DPP6: variants seen among roughly 807,000 people sequenced by gnomAD.
DPP6 encodes dipeptidyl peptidase like 6.
In DPP6, 69 loss-of-function variants were observed where a neutral mutation model predicts 122.6. The observed-to-expected ratio is 0.56, with a 90% confidence interval of 0.46 to 0.69. DPP6 has a LOEUF of 0.69. Ranked by LOEUF, DPP6 falls within the 30% of genes least tolerant of loss-of-function variation. The pLI, the probability that DPP6 is intolerant of heterozygous loss-of-function variation, is 0.00. For synonymous variants in DPP6, 418 were observed against 433.1 expected (o/e 0.97, Z 0.43); for missense variants, 928 against 1,116.9 (o/e 0.83, Z 2.41).
intron 5 of DPP6, among the ~76,000 whole-genome samples, chr7:154,619,012 T>C (rs570384667): frequency 6.6e-6 from 1 of 152,292 alleles, no homozygotes; most frequent in East Asian, 1.9e-4. Flanking sequence ...CAAGATCTGA[T>C]GGTTTTATAA....
chr7:154,760,753 C>G lies in DPP6; in HGVS notation c.884-8664C>G, dbSNP rs1012196703. Among the ~76,000 whole-genome samples, 2 of 151,346 alleles carry G rather than the reference C, an allele frequency of 1.3e-5. No homozygotes were observed. Among genetic ancestry groups the G allele is most frequent in the Non-Finnish European group, 2.9e-5 (2 of 67,922 alleles). On this transcript the variant is annotated intron_variant, in intron 8 of 25. Coordinates refer to ENST00000377770, the MANE Select transcript of DPP6 (RefSeq NM_130797.4). This position sits in a 1 kb window ranked among gnomAD's most constrained non-coding sequence, Gnocchi z 4.5. ...GAAGCTCCCTCAGGTGCCCACAACA[C>G]AAATGAAGAGGAAAGAGAGAAGACA...
intron 2 of DPP6, among the ~76,000 whole-genome samples, chr7:154,456,296 C>T (rs1338780992): frequency 6.6e-6 from 1 of 152,174 alleles, no homozygotes; most frequent in Non-Finnish European, 1.5e-5. Context: ...ATTGCTACTT[C>T]ATAATCCTCA....
At chr7:154,036,293 C>T (rs1486331630) in intron 1 of DPP6, among the ~76,000 whole-genome samples, 6 of 106,268 alleles carry the variant, frequency 5.6e-5, no homozygotes, top group East Asian at 2.3e-4. Flanking sequence ...ATATTTTTAG[C>T]GGGGGGTTGG....
rs769943067 is a variant in DPP6, at chr7:154,892,367, T to C, written c.2485T>C (p.Ser829Pro). 5.0e-6 allele frequency: 8 copies of C among 1,614,032 alleles called. No homozygotes were observed. The South Asian group carries it at 5.5e-5, about 11-fold the overall frequency. Reference protein sequence around the residue: ...YPDESHYFTSSSLKQHLYRSI... With the variant: ...YPDESHYFTSPSLKQHLYRSI... Reference sequence around the variant, plus strand: ...GGACGAAAGCCATTACTTTACCAGCTCCAGCCTCAAACAGCATCTGTACCG... The same window carrying C: ...GGACGAAAGCCATTACTTTACCAGCCCCAGCCTCAAACAGCATCTGTACCG... The change falls in exon 26 of 26, where the codon TCC becomes CCC. Residue 829 changes from serine (S) to proline (P), a missense_variant. By Grantham distance (74) the Ser-to-Pro change is moderately conservative. Coordinates refer to ENST00000377770, the MANE Select transcript of DPP6 (RefSeq NM_130797.4).
intron 8 of DPP6, among the ~76,000 whole-genome samples, chr7:154,752,152 G>A (rs952098358): frequency 2.0e-5 from 3 of 152,146 alleles, no homozygotes; most frequent in Non-Finnish European, 4.4e-5. Flanking sequence ...CTGCTTGGGT[G>A]GGGGAGCCGA....
chr7:154,826,750 T>C (rs944527679), intron 16 of DPP6, among the ~76,000 whole-genome samples: 4 of 152,186 alleles, frequency 2.6e-5, no homozygotes, highest in Non-Finnish European at 4.4e-5. Flanking sequence ...GCCTGCAGCT[T>C]TTTCTCTTAA....
the DPP6 span, among the ~76,000 whole-genome samples, chr7:153,781,401 C>A: frequency 6.6e-6 from 1 of 152,198 alleles, no homozygotes; most frequent in African/African-American, 2.4e-5. Flanking sequence ...ATGTGATTAG[C>A]AATAGAAGAT....
At chr7:154,739,621 C>G (rs1842725754) in intron 8 of DPP6, among the ~76,000 whole-genome samples, 1 of 152,204 alleles carries the variant, frequency 6.6e-6, no homozygotes, top group Non-Finnish European at 1.5e-5. Flanking sequence ...GTTGCAAACT[C>G]TATCATTTCA....
chr7:154,410,940 C>G (rs1179048823), intron 1 of DPP6, among the ~76,000 whole-genome samples: 1 of 152,180 alleles, frequency 6.6e-6, no homozygotes, highest in African/African-American at 2.4e-5. Context: ...ATTCTTTTAG[C>G]TGACTCTTAG....
At chr7:154,376,921 G>A (rs1813177587) in intron 1 of DPP6, among the ~76,000 whole-genome samples, 1 of 152,202 alleles carries the variant, frequency 6.6e-6, no homozygotes, top group Non-Finnish European at 1.5e-5. Context: ...TTGGCTCTTG[G>A]AGAAAGTCAG....
chr7:154,523,494 C>T (rs1827165358), intron 3 of DPP6, among the ~76,000 whole-genome samples: 1 of 152,200 alleles, frequency 6.6e-6, no homozygotes, highest in South Asian at 2.1e-4. Context: ...ACAAAAACGA[C>T]CATAATCCCC....
intron 1 of DPP6, among the ~76,000 whole-genome samples, chr7:154,176,992 C>G (rs1797838256): frequency 6.6e-6 from 1 of 152,138 alleles, no homozygotes. Flanking sequence ...CACCACCACA[C>G]CTGGCTAACT....
chr7:153,895,852 C>A (rs1406323351), intron 1 of DPP6, among the ~76,000 whole-genome samples: 1 of 152,188 alleles, frequency 6.6e-6, no homozygotes, highest in Admixed American at 6.5e-5. Flanking sequence ...TGGGTGCAAT[C>A]ACTTTGACTG....
At chr7:153,922,666 A>G (rs1800693942) in intron 1 of DPP6, among the ~76,000 whole-genome samples, 1 of 152,230 alleles carries the variant, frequency 6.6e-6, no homozygotes, top group South Asian at 2.1e-4. Flanking sequence ...ATTTTTCTTT[A>G]TAAAGTGGTC....
intron 6 of DPP6, among the ~76,000 whole-genome samples, chr7:154,646,105 C>A (rs1013279183): frequency 6.7e-6 from 1 of 149,436 alleles, no homozygotes; most frequent in Admixed American, 6.7e-5. Flanking sequence ...ATGGCCAAAT[C>A]TAATTAGCCA....
chr7:154,235,479 C>CT (rs1801152703), intron 1 of DPP6, among the ~76,000 whole-genome samples: 1 of 139,912 alleles, frequency 7.1e-6, no homozygotes, highest in African/African-American at 3.0e-5. Flanking sequence ...TAGAGAATTC[C>CT]TTTTTTTCTT....
rs908613850 is a variant in DPP6 at position 154,308,725 on chromosome 7, AT to A, written c.244-137481del. ...CTTCCTTAGAAAACCAAATTAAGGGATTTTTTTTCCCTTAAAATAAATAAAA... is the reference window on the plus strand; with the variant it reads ...CTTCCTTAGAAAACCAAATTAAGGGATTTTTTTCCCTTAAAATAAATAAAA... On this transcript the variant is annotated intron_variant, in intron 1 of 25. Coordinates refer to ENST00000377770, the MANE Select transcript of DPP6 (RefSeq NM_130797.4). 1.5e-3 allele frequency among the ~76,000 whole-genome samples: 230 copies of A among 152,096 alleles called. 3 individuals carry two copies. The highest frequency in any genetic ancestry group is 3.8e-3 in the African/African-American group (156 of 41,478).
chr7:153,983,384 A>T (rs1796688521), intron 1 of DPP6, among the ~76,000 whole-genome samples: 1 of 152,190 alleles, frequency 6.6e-6, no homozygotes, highest in Non-Finnish European at 1.5e-5. Flanking sequence ...AGTAATGGCG[A>T]TCACCCCTCC....
chr7:154,218,688 A>G (rs1800140504), intron 1 of DPP6, among the ~76,000 whole-genome samples: 1 of 152,198 alleles, frequency 6.6e-6, no homozygotes, highest in Non-Finnish European at 1.5e-5. Flanking sequence ...TCCTGTTTAC[A>G]TGCGGACATA....
Sources: gnomAD v4.1 joint callset for allele counts (sites outside exome capture counted in the v4.1 genomes callset) on GRCh38, gnomAD v4.1.1 for gene constraint, Gnocchi (gnomAD v3.1) non-coding constraint, MANE v1.5 for transcripts, NCBI Gene and HGNC (gene_info 2026-07-23, HGNC 2026-07-21) for gene names.